ZNF839: variants seen among roughly 807,000 people sequenced by gnomAD.
ZNF839 encodes renal carcinoma antigen NY-REN-50.
In ZNF839, 38 loss-of-function variants were observed where a neutral mutation model predicts 56.4. The ratio of observed to expected loss-of-function variants is 0.67; its 90% confidence interval spans 0.52 to 0.88. ZNF839 has a LOEUF of 0.88. ZNF839 is among the 40% of genes least tolerant of loss of function. ZNF839 has a pLI of 0.00. For synonymous variants in ZNF839, 486 were observed against 493.5 expected (o/e 0.98, Z 0.20); for missense variants, 1,091 against 1,177.6 (o/e 0.93, Z 1.08).
chr14:102,329,844 A>G (rs1364909552), intron 2 of ZNF839, among the ~76,000 whole-genome samples: 3 of 121,638 alleles, frequency 2.5e-5, no homozygotes, highest in Admixed American at 2.2e-4. Flanking sequence ...CCCAGGCTGG[A>G]GTGTAATGGC....
At chr14:102,321,903 G>A (rs1456974337) in intron 1 of ZNF839, among the ~76,000 whole-genome samples, 1 of 152,122 alleles carries the variant, frequency 6.6e-6, no homozygotes, top group African/African-American at 2.4e-5. Flanking sequence ...CCCAGTGTTC[G>A]CTGTGGGGGT....
Position 102,335,728 on chromosome 14 carries a change from A to G in ZNF839, c.1549A>G (p.Ile517Val). ...TCTAGCAAAGCCTTTTTTCCCAGCTATATATAAGGAATTTGAAGAGTTGCA... is the reference window on the plus strand; with the variant it reads ...TCTAGCAAAGCCTTTTTTCCCAGCTGTATATAAGGAATTTGAAGAGTTGCA... ...DHLAKPFFPA[I>V]YKEFEELHKM... Residue 517 changes from isoleucine (I) to valine (V), a missense_variant, in exon 5 of 8, where the codon ATA becomes GTA. This residue lies in a region of ZNF839 where 46 missense variants were observed against 80.4 expected (regional missense o/e 0.57). Coordinates refer to ENST00000442396, the MANE Select transcript of ZNF839 (RefSeq NM_018335.6). The G allele has an allele frequency of 1.9e-6, 3 of 1,599,598 alleles. No individual in the cohort carries two copies. The highest frequency in any genetic ancestry group is 1.7e-6 in the Non-Finnish European group (2 of 1,179,458).
rs1362452544 is a variant in ZNF839, at chr14:102,341,752, G to A, written c.2357G>A (p.Ser786Asn). Residue 786 changes from serine (S) to asparagine (N), a missense_variant, in exon 8 of 8, where the codon AGC becomes AAC. Ser to Asn is a conservative substitution (Grantham distance 46). Transcript: ENST00000442396. ...TTCCACCTGAACCACCAGCAGCCCAGCCCCACCAGCGTCCTGCCTACAGAG... is the reference window on the plus strand; with the variant it reads ...TTCCACCTGAACCACCAGCAGCCCAACCCCACCAGCGTCCTGCCTACAGAG... ...CDFHLNHQQP[S>N]PTSVLPTEVA... is the part of the protein sequence containing the mutation. 1 of 1,614,004 alleles carries A rather than the reference G, an allele frequency of 6.2e-7. No homozygotes were observed. The highest frequency in any genetic ancestry group is 8.5e-7 in the Non-Finnish European group (1 of 1,179,872).
intron 7 of ZNF839, among the ~76,000 whole-genome samples, chr14:102,339,457 G>A (rs1280261111): frequency 1.3e-5 from 2 of 152,064 alleles, no homozygotes; most frequent in Admixed American, 1.3e-4. Flanking sequence ...AAAATGGAGA[G>A]CCACAGGCCA....
chr14:102,324,966 C>G (rs2073332453), intron 1 of ZNF839, among the ~76,000 whole-genome samples: 1 of 151,914 alleles, frequency 6.6e-6, no homozygotes, highest in Admixed American at 6.6e-5. Context: ...AAAAGAAAAA[C>G]CTCACATGGG....
intron 3 of ZNF839, among the ~76,000 whole-genome samples, chr14:102,333,827 T>C (rs932872604): frequency 9.2e-5 from 14 of 152,286 alleles, no homozygotes; most frequent in Non-Finnish European, 1.2e-4. Context: ...AAGCTGGCTT[T>C]CTGTCCACCC....
chr14:102,329,461 T>C (rs1157278628), intron 2 of ZNF839, among the ~76,000 whole-genome samples: 2 of 152,116 alleles, frequency 1.3e-5, no homozygotes, highest in Non-Finnish European at 2.9e-5. Context: ...CTCAGCTCAC[T>C]GCAACCTCTG....
At position 102,326,606 on chromosome 14, in the gene ZNF839, T is replaced by G. The variant is rs757132599; in HGVS notation, c.910T>G (p.Ser304Ala). ...GGAGAGGCACGCACTCTTTGACTTATCGAGCTGCTCCCTGAGGCCCAAAAG... is the reference window on the plus strand; with the variant it reads ...GGAGAGGCACGCACTCTTTGACTTAGCGAGCTGCTCCCTGAGGCCCAAAAG... ...QRERHALFDL[S>A]SCSLRPKSFK... Residue 304 changes from serine (S) to alanine (A), a missense_variant, in exon 2 of 8, where the codon TCG becomes GCG. Transcript: ENST00000442396. This position sits in a 1 kb window ranked among gnomAD's most constrained non-coding sequence, Gnocchi z 4.3. 8.1e-6 allele frequency: 13 copies of G among 1,613,854 alleles called. No homozygotes were observed. The highest frequency in any genetic ancestry group is 1.1e-5 in the Non-Finnish European group (13 of 1,179,832).
intron 1 of ZNF839, among the ~76,000 whole-genome samples, chr14:102,323,020 CAG>C (rs1198201144): frequency 8.0e-6 from 1 of 124,378 alleles, no homozygotes; most frequent in Non-Finnish European, 1.6e-5. Flanking sequence ...ACTAGTATAA[CAG>C]ACAGACGAGA....
chr14:102,321,836 G>C lies in ZNF839; in HGVS notation c.288+1783G>C, dbSNP rs1015806008. The stretch of plus-strand genomic sequence containing the variant: ...GTGCGTCTGAGTTGAAAATGCAGAA[G>C]GGGAGAGGCAGGTTCTGGGGCGGTT... On this transcript the variant is annotated intron_variant, in intron 1 of 7. Coordinates refer to ENST00000442396, the MANE Select transcript of ZNF839 (RefSeq NM_018335.6). 3.3e-5 allele frequency among the ~76,000 whole-genome samples: 5 copies of C among 152,162 alleles called. No homozygotes were observed. The East Asian group carries it at 5.8e-4, about 18-fold the overall frequency.
chr14:102,335,954 G>T, intron 5 of ZNF839, 116 bp downstream of exon 5: 1 of 1,218,942 alleles, frequency 8.2e-7, no homozygotes, highest in Non-Finnish European at 1.1e-6. Flanking sequence ...TGAGGCAGGT[G>T]GATCACTTGA....
In ZNF839 at chr14:102,341,970, G is replaced by C; in HGVS notation, c.2575G>C (p.Glu859Gln). ...GATGGAGGTGCACTCTGGCCAGAGA[G>C]AACTGGAGAGCGTGGTTGCTGTCGG... ...CGMEVHSGQRELESVVAVGEA... is the reference protein window; with the variant it reads ...CGMEVHSGQRQLESVVAVGEA... Residue 859 changes from glutamate (E) to glutamine (Q), a missense_variant, in exon 8 of 8, where the codon GAA becomes CAA. This residue lies in a region of ZNF839 where 431 missense variants were observed against 468.0 expected (regional missense o/e 0.92). Coordinates refer to ENST00000442396, the MANE Select transcript of ZNF839 (RefSeq NM_018335.6). The C allele has an allele frequency of 1.9e-6, 3 of 1,613,940 alleles. No individual in the cohort carries two copies. Among genetic ancestry groups the C allele is most frequent in the East Asian group, 2.2e-5 (1 of 44,898 alleles).
intron 1 of ZNF839, among the ~76,000 whole-genome samples, chr14:102,325,738 GC>G (rs1203545692): frequency 6.6e-6 from 1 of 152,042 alleles, no homozygotes; most frequent in African/African-American, 2.4e-5. Context: ...CAAGTAATCG[GC>G]CTGCCTTGGC....
At chr14:102,322,305 A>G (rs1355602036) in intron 1 of ZNF839, among the ~76,000 whole-genome samples, 1 of 152,168 alleles carries the variant, frequency 6.6e-6, no homozygotes, top group African/African-American at 2.4e-5. Context: ...ACCCCAGGAG[A>G]TCCGATTCAG....
At chr14:102,329,496 T>TGC (rs978017479) in intron 2 of ZNF839, among the ~76,000 whole-genome samples, 1 of 152,044 alleles carries the variant, frequency 6.6e-6, no homozygotes, top group Non-Finnish European at 1.5e-5. Flanking sequence ...GCAATTCTCC[T>TGC]GCCTCAGCCT....
Position 102,336,930 on chromosome 14 carries a change from C to T in ZNF839, c.1659+1092C>T, listed in dbSNP as rs533725015. 1.2e-4 allele frequency: 24 copies of T among 205,850 alleles called. No individual in the cohort carries two copies. In the East Asian group the frequency reaches 2.5e-3, roughly 21 times the overall value. The allele number at this position is 205,850 out of a possible 1,614,324, so 12.8% of individuals were successfully genotyped here. A position where few individuals can be genotyped will look rare whatever the true frequency, so the allele number is the denominator to read the frequency against. On this transcript the variant is annotated intron_variant, in intron 5 of 7. Coordinates refer to ENST00000442396, the MANE Select transcript of ZNF839 (RefSeq NM_018335.6). Reference sequence around the variant, plus strand: ...TAAATTTTTCGTAGAGAAGGGGTCTCGCTGTGTTGTCCACTCTGGTCTTGA... The same window carrying T: ...TAAATTTTTCGTAGAGAAGGGGTCTTGCTGTGTTGTCCACTCTGGTCTTGA...
intron 3 of ZNF839, 126 bp from the exon 4 acceptor site, chr14:102,334,428 G>C: frequency 1.5e-6 from 1 of 669,682 alleles, no homozygotes; most frequent in South Asian, 1.6e-5. Context: ...AGAATGTTTA[G>C]AGTTACTTGG....
Position 102,342,039 on chromosome 14 carries a change from C to G in ZNF839, c.2644C>G (p.Leu882Val). Residue 882 changes from leucine to valine, a missense_variant, in exon 8 of 8, where the codon CTG becomes GTG. Physicochemically the swap from Leu to Val is conservative, Grantham distance 32 (BLOSUM62 1). Around this residue, in one of 3 missense-constraint regions of ZNF839, gnomAD observed 431 missense variants for 468.0 expected, o/e 0.92. Transcript: ENST00000442396. ...AATTTCCAATGGGAGCCATGAGTTACTGTCTCAGGGACAGAAGCAGATTTT... is the reference window on the plus strand; with the variant it reads ...AATTTCCAATGGGAGCCATGAGTTAGTGTCTCAGGGACAGAAGCAGATTTT... ...FEISNGSHEL[L>V]SQGQKQIFIQ... is the part of the protein sequence containing the mutation. The G allele has an allele frequency of 6.2e-7, 1 of 1,614,026 alleles. No homozygotes were observed. Among genetic ancestry groups the G allele is most frequent in the Non-Finnish European group, 8.5e-7 (1 of 1,179,892 alleles).
At chr14:102,336,039 C>T (rs1175219362) in intron 5 of ZNF839, among the ~76,000 whole-genome samples, 2 of 152,072 alleles carry the variant, frequency 1.3e-5, no homozygotes, top group Non-Finnish European at 2.9e-5. Flanking sequence ...ATTAGCTGGG[C>T]GTGGTGGCAC....
Sources: allele counts gnomAD v4.1 joint callset (sites outside exome capture counted in the v4.1 genomes callset), GRCh38; gene constraint gnomAD v4.1.1; regional missense constraint gnomAD v4.1.1; non-coding constraint Gnocchi (gnomAD v3.1); transcripts MANE v1.5; gene names NCBI Gene and HGNC (gene_info 2026-07-23, HGNC 2026-07-21).